Variants in FGF14 observed in about 807,000 individuals in gnomAD.
FGF14 encodes the protein fibroblast growth factor 14, also known as fibroblast growth factor homologous factor 4.
A neutral mutation model predicts 25.5 loss-of-function variants in FGF14; 5 were observed. The observed-to-expected ratio is 0.20, with a 90% CI of 0.10 to 0.41. The LOEUF (loss-of-function observed/expected upper bound fraction) is 0.41. Among genes scored for constraint, FGF14 ranks in the 10% least tolerant of loss-of-function variants. The probability of loss-of-function intolerance (pLI) is 1.00; values close to 1 mark genes in which losing one functional copy is unlikely to be tolerated. For missense variants in FGF14, 222 were observed against 320.1 expected (o/e 0.69, Z 2.34); for synonymous variants, 138 against 118.3 (o/e 1.17, Z -1.08).
chr13:102,023,207 G>T (rs1185938133), intron 1 of FGF14, among the ~76,000 whole-genome samples: 1 of 151,946 alleles, frequency 6.6e-6, no homozygotes, highest in South Asian at 2.1e-4. Context: ...CATTTGATAG[G>T]TAAGTAAATG....
intron 1 of FGF14, among the ~76,000 whole-genome samples, chr13:102,309,366 T>A (rs1459404890): frequency 6.6e-6 from 1 of 152,176 alleles, no homozygotes; most frequent in Admixed American, 6.5e-5. Flanking sequence ...TTTCATCAGC[T>A]AGGTAAAGGC....
At chr13:102,006,786 G>A (rs1046767113) in intron 1 of FGF14, among the ~76,000 whole-genome samples, 30 of 127,980 alleles carry the variant, frequency 2.3e-4, no homozygotes, top group East Asian at 2.4e-4. Context: ...CGCCCAGGTC[G>A]GACTGCGGAC....
At chr13:101,751,735 G>A (rs1223203482) in intron 3 of FGF14, among the ~76,000 whole-genome samples, 1 of 152,116 alleles carries the variant, frequency 6.6e-6, no homozygotes, top group Non-Finnish European at 1.5e-5. Context: ...CGCAGTGGAG[G>A]AGTAGCAGTT....
intron 1 of FGF14, among the ~76,000 whole-genome samples, chr13:101,913,233 G>C (rs149377529): frequency 1.3e-5 from 2 of 152,292 alleles, no homozygotes; most frequent in South Asian, 4.2e-4. Context: ...ACTAATTTGC[G>C]GGGTGTGTGG....
intron 1 of FGF14, among the ~76,000 whole-genome samples, chr13:101,881,445 A>C (rs2045705561): frequency 1.3e-5 from 2 of 152,194 alleles, no homozygotes; most frequent in African/African-American, 2.4e-5. Context: ...GTATGATAAA[A>C]CATCGTGTGC....
intron 1 of FGF14, among the ~76,000 whole-genome samples, chr13:102,321,633 G>A (rs2056248092): frequency 6.6e-6 from 1 of 152,094 alleles, no homozygotes; most frequent in Non-Finnish European, 1.5e-5. Flanking sequence ...GGGACCTACT[G>A]CCAAAATCTG....
At chr13:102,237,905 T>A (rs2051404355) in intron 1 of FGF14, among the ~76,000 whole-genome samples, 1 of 152,172 alleles carries the variant, frequency 6.6e-6, no homozygotes, top group Non-Finnish European at 1.5e-5. Context: ...ATTGAGGAAA[T>A]CTGTCTTGGC....
chr13:102,173,444 A>G (rs1233371574), intron 1 of FGF14, among the ~76,000 whole-genome samples: 1 of 152,110 alleles, frequency 6.6e-6, no homozygotes, highest in Non-Finnish European at 1.5e-5. Flanking sequence ...TCAAAAATAG[A>G]ACTGCCATGG....
intron 1 of FGF14, among the ~76,000 whole-genome samples, chr13:102,336,392 C>G (rs969213075): frequency 1.3e-5 from 2 of 152,148 alleles, no homozygotes; most frequent in African/African-American, 4.8e-5. Flanking sequence ...GGTCCTAACT[C>G]TCTTCAGTTC....
intron 3 of FGF14, among the ~76,000 whole-genome samples, chr13:101,788,699 C>A (rs549838100): frequency 2.2e-4 from 33 of 151,576 alleles, no homozygotes; most frequent in African/African-American, 7.0e-4. Context: ...ATTTTCTATG[C>A]AATTCTCTAG....
chr13:102,184,258 G>A (rs931511303), intron 1 of FGF14, among the ~76,000 whole-genome samples: 8 of 152,092 alleles, frequency 5.3e-5, no homozygotes, highest in South Asian at 2.1e-4. Flanking sequence ...ATGTCAAAAC[G>A]TTGACACTGA....
intron 1 of FGF14, among the ~76,000 whole-genome samples, chr13:102,168,613 T>G (rs1238338322): frequency 6.6e-6 from 1 of 152,198 alleles, no homozygotes. Context: ...AGAAATAGCC[T>G]TGTATAAATC....
At chr13:101,968,949 T>TA (rs1216775374) in intron 1 of FGF14, among the ~76,000 whole-genome samples, 3 of 151,918 alleles carry the variant, frequency 2.0e-5, no homozygotes, top group African/African-American at 7.3e-5. Context: ...GATGGGTTTT[T>TA]ATCACCAGGT....
intron 1 of FGF14, among the ~76,000 whole-genome samples, chr13:102,032,537 A>C (rs2041261909): frequency 1.3e-5 from 2 of 151,880 alleles, no homozygotes; most frequent in Admixed American, 1.3e-4. Context: ...TGGCATTTGG[A>C]AATTCCAGTA....
intron 1 of FGF14, among the ~76,000 whole-genome samples, chr13:102,169,526 T>C (rs899982990): frequency 2.6e-5 from 4 of 151,790 alleles, no homozygotes; most frequent in Admixed American, 1.3e-4. Flanking sequence ...CCTAAGACAT[T>C]CAAGAAAGGA....
intron 1 of FGF14, among the ~76,000 whole-genome samples, chr13:101,908,574 C>T (rs1014376992): frequency 2.0e-5 from 3 of 152,078 alleles, no homozygotes; most frequent in African/African-American, 7.2e-5. Flanking sequence ...CAAACCACTG[C>T]TCAATGAAAT....
intron 1 of FGF14, among the ~76,000 whole-genome samples, chr13:101,988,009 A>T (rs2038686529): frequency 6.6e-6 from 1 of 152,094 alleles, no homozygotes; most frequent in South Asian, 2.1e-4. Context: ...TACATAGAAA[A>T]ATAATATTTC....
chr13:102,151,297 G>A (rs188979279), intron 1 of FGF14, among the ~76,000 whole-genome samples: 42 of 152,256 alleles, frequency 2.8e-4, no homozygotes, highest in Non-Finnish European at 5.1e-4. Context: ...TTGATTATGT[G>A]ATGCTGGGGG....
At chr13:101,751,826 T>C (rs2037296715) in intron 3 of FGF14, among the ~76,000 whole-genome samples, 1 of 152,030 alleles carries the variant, frequency 6.6e-6, no homozygotes, top group African/African-American at 2.4e-5. Flanking sequence ...CTAGTTCCTA[T>C]TGGCTAAATA....
Sources: gnomAD v4.1 joint callset for allele counts (sites outside exome capture counted in the v4.1 genomes callset) on GRCh38, gnomAD v4.1.1 for gene constraint, MANE v1.5 for transcripts, NCBI Gene and HGNC (gene_info 2026-07-23, HGNC 2026-07-21) for gene names.